SPATA18: variants seen among roughly 807,000 people sequenced by gnomAD.
SPATA18 encodes spermatogenesis associated 18.
In SPATA18, 54 loss-of-function variants were observed where a neutral mutation model predicts 68.1. The observed-to-expected ratio is 0.79, with a 90% CI of 0.64 to 0.99. The LOEUF is 0.99. SPATA18 is among the 50% of genes least tolerant of loss of function. SPATA18 has a pLI of 0.00. For synonymous variants in SPATA18, 242 were observed against 244.8 expected, an observed-to-expected ratio of 0.99 and a Z score of 0.11; for missense variants, 724 against 681.1, an observed-to-expected ratio of 1.06 and a Z score of -0.70.
At position 52,077,148 on chromosome 4, in the gene SPATA18, G is replaced by T. The variant is rs538937734; in HGVS notation, c.1020+108G>T. Reference sequence around the variant, plus strand: ...ACTAGTGGATCCTGAGGTCACTGAAGTGGGGGAGATTCCAGTCTCCCCATC... The same window carrying T: ...ACTAGTGGATCCTGAGGTCACTGAATTGGGGGAGATTCCAGTCTCCCCATC... On this transcript the variant is annotated intron_variant, in intron 7 of 12. Transcript: ENST00000295213. The T allele has an allele frequency of 1.2e-3, 1,543 of 1,240,930 alleles. 6 individuals carry two copies. The highest frequency in any genetic ancestry group is 1.3e-3 in the Non-Finnish European group (1,224 of 912,470). The allele number at this position is 1,240,930 out of a possible 1,614,324, so 76.9% of individuals were successfully genotyped here. A position where few individuals can be genotyped will look rare whatever the true frequency, so the allele number is the denominator to read the frequency against.
intron 12 of SPATA18, 64 bp from the exon 13 acceptor site, chr4:52,094,816 G>C: frequency 1.2e-6 from 2 of 1,600,898 alleles, no homozygotes; most frequent in South Asian, 2.2e-5. Context: ...CTTTCATTTA[G>C]GTGCTTCCAA....
rs1741023050 is a variant in SPATA18 at position 52,082,454 on chromosome 4, A to G, written c.1423A>G (p.Met475Val). Reference protein sequence around the residue: ...LVLYHVWPALMENDCVIMKGE... With the variant: ...LVLYHVWPALVENDCVIMKGE... ...CCTCTATCACGTGTGGCCTGCTCTC[A>G]TGGAGAATGACTGTGTCATTATGAA... Residue 475 changes from methionine to valine, a missense_variant, in exon 10 of 13, where the codon ATG (methionine) becomes GTG (valine). By Grantham distance (21) the Met-to-Val change is conservative (BLOSUM62 1). Transcript: ENST00000295213. 1.2e-6 allele frequency: 2 copies of G among 1,613,936 alleles called. No homozygotes were observed. The highest frequency in any genetic ancestry group is 2.7e-5 in the African/African-American group (2 of 74,884).
Position 52,060,711 on chromosome 4 carries a change from G to T in SPATA18, c.194-71G>T, listed in dbSNP as rs892148684. 4 of 1,316,250 alleles carry T rather than the reference G, an allele frequency of 3.0e-6. No homozygotes were observed. In the East Asian group the frequency reaches 6.9e-5, roughly 23 times the overall value. The allele number at this position is 1,316,250 out of a possible 1,614,324, so 81.5% of individuals were successfully genotyped here. ...TTAGGGTACATGTACACAACGTGCA[G>T]GTTAGTTACATATGTATACATGTGC... is the stretch of plus-strand genomic sequence containing the variant. On this transcript the variant is annotated intron_variant, in intron 2 of 12. Coordinates refer to ENST00000295213, the MANE Select transcript of SPATA18 (RefSeq NM_145263.4).
chr4:52,054,205 C>CA (rs1361203964), intron 1 of SPATA18, among the ~76,000 whole-genome samples: 1 of 152,224 alleles, frequency 6.6e-6, no homozygotes, highest in Non-Finnish European at 1.5e-5. Flanking sequence ...CAGATAGCCA[C>CA]ATGCAGCTCA....
intron 7 of SPATA18, 130 bp downstream of exon 7, chr4:52,077,170 C>A: frequency 1.0e-6 from 1 of 965,324 alleles, no homozygotes; most frequent in Non-Finnish European, 1.5e-6. Context: ...CCAGTCTCCC[C>A]ATCTGTCTCC....
intron 9 of SPATA18, among the ~76,000 whole-genome samples, chr4:52,080,938 C>T (rs1026321303): frequency 1.3e-5 from 2 of 152,240 alleles, no homozygotes; most frequent in Non-Finnish European, 2.9e-5. Context: ...CTTTCTTTCA[C>T]TTATGCAAAT....
Position 52,095,723 on chromosome 4 carries a change from G to A in SPATA18, c.*836G>A, listed in dbSNP as rs1306028204. On this transcript the variant is annotated 3_prime_UTR_variant, in exon 13 of 13. Coordinates refer to ENST00000295213, the MANE Select transcript of SPATA18 (RefSeq NM_145263.4). ...GTTTCTTGGGACATGCTCTTCACCT[G>A]TTCTACCTAGTTATTTGCAAATTCA... 2 of 152,146 alleles carry A rather than the reference G, an allele frequency of 1.3e-5. No individual in the cohort carries two copies. The highest frequency in any genetic ancestry group is 2.4e-5 in the African/African-American group (1 of 41,432). 9.4% of individuals were successfully genotyped at this position (152,146 alleles called of 1,614,324 possible).
Position 52,061,552 on chromosome 4 carries a change from CAAGAGCATTAT to C in SPATA18, c.309+660_310-653del, listed in dbSNP as rs1738858971. Among the ~76,000 whole-genome samples, 3 of 151,244 alleles carry C rather than the reference CAAGAGCATTAT, an allele frequency of 2.0e-5. No individual in the cohort carries two copies. The Admixed American group carries it at 2.0e-4, about 10-fold the overall frequency. Reference sequence around the variant, plus strand: ...AAGAAAGCATTTAGTCTGTTCTGAGCAAGAGCATTATAAGATAGTGGCTGAAGGATCCCTGC... The same window carrying C: ...AAGAAAGCATTTAGTCTGTTCTGAGCAAGATAGTGGCTGAAGGATCCCTGC... On this transcript the variant is annotated intron_variant, in intron 3 of 12. Transcript: ENST00000295213.
chr4:52,090,231 T>C (rs979358924), intron 11 of SPATA18, among the ~76,000 whole-genome samples: 1 of 152,218 alleles, frequency 6.6e-6, no homozygotes, highest in Non-Finnish European at 1.5e-5. Flanking sequence ...TGACTCTTTA[T>C]CCAGTTTGCC....
chr4:52,073,617 A>T (rs1398448376), intron 6 of SPATA18, among the ~76,000 whole-genome samples: 1 of 152,144 alleles, frequency 6.6e-6, no homozygotes, highest in Non-Finnish European at 1.5e-5. Context: ...AAAAAAAGTT[A>T]AAAAAATGAA....
At position 52,076,942 on chromosome 4, in the gene SPATA18, G is replaced by T. The variant is rs1430259467; in HGVS notation, c.922G>T (p.Asp308Tyr). 1 of 1,614,184 alleles carries T rather than the reference G, an allele frequency of 6.2e-7. No individual in the cohort carries two copies. The highest frequency in any genetic ancestry group is 8.5e-7 in the Non-Finnish European group (1 of 1,180,042). The change falls in exon 7 of 13, where the codon GAT becomes TAT. Residue 308 changes from aspartate to tyrosine, a missense_variant. Physicochemically the swap from Asp to Tyr is radical, Grantham distance 160 (BLOSUM62 -3). Coordinates refer to ENST00000295213, the MANE Select transcript of SPATA18 (RefSeq NM_145263.4). ...RKAALLSRFS[D>Y]SYSQARLDAQ... ...GGCTGCCCTCTTGTCCCGGTTCAGC[G>T]ATTCCTATTCCCAGGCCCGCCTGGA...
chr4:52,077,404 A>G (rs974076095), intron 7 of SPATA18, among the ~76,000 whole-genome samples: 3 of 101,114 alleles, frequency 3.0e-5, no homozygotes, highest in Non-Finnish European at 7.2e-5. Context: ...TTCTTCCTCC[A>G]TTGTTTCCTT....
Position 52,076,857 on chromosome 4 carries a change from C to A in SPATA18, c.837C>A (p.Thr279=). ...CSRSRSASPS[T]AVKVRRPSPN... ...GCAGCAGATCTGCCAGCCCCTCCACCGCTGTCAAGGTCAGGAGACCGTCCC... is the reference window on the plus strand; with the variant it reads ...GCAGCAGATCTGCCAGCCCCTCCACAGCTGTCAAGGTCAGGAGACCGTCCC... The change falls in exon 7 of 13, where the codon ACC becomes ACA. Residue 279 remains threonine (T), a synonymous_variant. Transcript: ENST00000295213. The A allele has an allele frequency of 1.9e-6, 3 of 1,614,214 alleles. No individual in the cohort carries two copies. Among genetic ancestry groups the A allele is most frequent in the Non-Finnish European group, 2.5e-6 (3 of 1,180,022 alleles).
rs576128855 is a variant in SPATA18 at position 52,057,078 on chromosome 4, A to C, written c.88-3341A>C. 2.6e-5 allele frequency among the ~76,000 whole-genome samples: 4 copies of C among 152,146 alleles called. No homozygotes were observed. The South Asian group carries it at 6.2e-4, about 24-fold the overall frequency. ...TCTGCTCCTATAGCTTGTTATCCAC[A>C]CAGAGCACTTAATATAAACTCTAAG... is the stretch of plus-strand genomic sequence containing the variant. On this transcript the variant is annotated intron_variant, in intron 1 of 12. Transcript: ENST00000295213.
intron 1 of SPATA18, among the ~76,000 whole-genome samples, chr4:52,057,172 T>G (rs1011301055): frequency 2.0e-5 from 3 of 152,168 alleles, no homozygotes; most frequent in Non-Finnish European, 4.4e-5. Context: ...GTTCACTGAC[T>G]GCAGGCAACT....
At chr4:52,059,923 G>A (rs1193181412) in intron 1 of SPATA18, among the ~76,000 whole-genome samples, 1 of 152,142 alleles carries the variant, frequency 6.6e-6, no homozygotes, top group Non-Finnish European at 1.5e-5. Context: ...TTTTTGTAGG[G>A]TTTTACTGAG....
chr4:52,082,339 C>T (rs778801972), intron 9 of SPATA18, 48 bp from the exon 10 acceptor site: 3 of 1,552,146 alleles, frequency 1.9e-6, no homozygotes, highest in Middle Eastern at 1.7e-4. Flanking sequence ...CCTAGATATG[C>T]TCCATAATTG....
chr4:52,081,763 T>C (rs1740936262), intron 9 of SPATA18, among the ~76,000 whole-genome samples: 1 of 152,230 alleles, frequency 6.6e-6, no homozygotes, highest in Non-Finnish European at 1.5e-5. Context: ...ATTCACATTT[T>C]ATTTTATCTT....
Position 52,095,815 on chromosome 4 carries a change from T to G in SPATA18, c.*928T>G, listed in dbSNP as rs745523806. 7.2e-5 allele frequency: 11 copies of G among 152,172 alleles called. No individual in the cohort carries two copies. The highest frequency in any genetic ancestry group is 1.6e-4 in the Non-Finnish European group (11 of 68,026). The allele number at this position is 152,172 out of a possible 1,614,324, so 9.4% of individuals were successfully genotyped here. On this transcript the variant is annotated 3_prime_UTR_variant, in exon 13 of 13. Transcript: ENST00000295213. ...CAAGGCCCAAAACTAGGGGCACCAT[T>G]TACTGATTTTAAATTGAGTATATAT...
Sources: allele counts gnomAD v4.1 joint callset (sites outside exome capture counted in the v4.1 genomes callset), GRCh38; gene constraint gnomAD v4.1.1; transcripts MANE v1.5; gene names NCBI Gene and HGNC (gene_info 2026-07-23, HGNC 2026-07-21).